The following TECTA variants were observed in gnomAD, a reference collection of about 807,000 sequenced individuals.
TECTA encodes the protein tectorin alpha.
A neutral mutation model predicts 216.8 loss-of-function variants in TECTA; 128 were observed. The ratio of observed to expected loss-of-function variants is 0.59; its 90% CI spans 0.51 to 0.68. The LOEUF is 0.68. TECTA is among the 30% of genes least tolerant of loss of function. TECTA has a pLI of 0.00. For missense variants in TECTA, 2,551 were observed against 2,786.2 expected, an observed-to-expected ratio of 0.92 and a Z score of 1.90; for synonymous variants, 1,089 against 1,117.1, an observed-to-expected ratio of 0.97 and a Z score of 0.50.
At chr11:121,150,877 C>T (rs1425985827) in intron 12 of TECTA, among the ~76,000 whole-genome samples, 5 of 152,088 alleles carry the variant, frequency 3.3e-5, no homozygotes, top group Admixed American at 3.3e-4. Flanking sequence ...ATCTCTTGAC[C>T]TCATGATCCA....
chr11:121,134,150 C>T (rs914509484), intron 10 of TECTA, among the ~76,000 whole-genome samples: 3 of 152,162 alleles, frequency 2.0e-5, no homozygotes, highest in Non-Finnish European at 2.9e-5. Flanking sequence ...CAGGGTGCTT[C>T]GCGCTCATCT....
At chr11:121,138,946 T>C (rs375885651) in intron 11 of TECTA, among the ~76,000 whole-genome samples, 1 of 152,248 alleles carries the variant, frequency 6.6e-6, no homozygotes, top group South Asian at 2.1e-4. Context: ...ATACATTCTC[T>C]TAAAAATTCT....
intron 10 of TECTA, among the ~76,000 whole-genome samples, chr11:121,130,719 G>A (rs1946665948): frequency 6.6e-6 from 1 of 152,196 alleles, no homozygotes; most frequent in Non-Finnish European, 1.5e-5. Flanking sequence ...CAATGCAGTG[G>A]CAAGTACTAG....
At chr11:121,160,495 G>A in intron 15 of TECTA, 74 bp downstream of exon 15, 1 of 1,583,830 alleles carries the variant, frequency 6.3e-7, no homozygotes, top group Non-Finnish European at 8.6e-7. Context: ...GTGTGAATGA[G>A]GAATGCCTTT....
intron 20 of TECTA, among the ~76,000 whole-genome samples, chr11:121,182,658 G>A (rs1253956327): frequency 1.3e-5 from 2 of 152,142 alleles, no homozygotes; most frequent in African/African-American, 4.8e-5. Flanking sequence ...CCCCCCTGAT[G>A]GTACATGCAG....
intron 11 of TECTA, 34 bp from the exon 12 acceptor site, chr11:121,145,521 A>C: frequency 6.2e-7 from 1 of 1,610,316 alleles, no homozygotes; most frequent in Non-Finnish European, 8.5e-7. Flanking sequence ...CTCTGGGCCA[A>C]CTGTGTTTCT....
intron 4 of TECTA, among the ~76,000 whole-genome samples, chr11:121,111,263 C>T (rs1435162042): frequency 1.3e-5 from 2 of 152,070 alleles, no homozygotes; most frequent in South Asian, 2.1e-4. Flanking sequence ...GGGAACAGGC[C>T]GGGAGAGGCC....
rs1382856653 is a variant in TECTA at position 121,154,376 on chromosome 11, A to G, written c.4305+1296A>G. On this transcript the variant is annotated intron_variant, in intron 13 of 23. Coordinates refer to ENST00000392793, the MANE Select transcript of TECTA (RefSeq NM_005422.4). ...GTAAGGTAAAATAGTGAAACTAATC[A>G]AAGGAGACTTTTTGGGAAAGGGGGT... Among the ~76,000 whole-genome samples, 4 of 152,226 alleles carry G rather than the reference A, an allele frequency of 2.6e-5. No homozygotes were observed. The East Asian group carries it at 7.7e-4, about 29-fold the overall frequency.
chr11:121,146,470 C>G (rs1011800268), intron 12 of TECTA, among the ~76,000 whole-genome samples: 2 of 152,126 alleles, frequency 1.3e-5, no homozygotes, highest in African/African-American at 2.4e-5. Context: ...GTTCAAGCAC[C>G]TCATGGGCCC....
intron 4 of TECTA, 79 bp downstream of exon 4, chr11:121,109,577 C>T: frequency 6.5e-7 from 1 of 1,543,172 alleles, no homozygotes; most frequent in East Asian, 2.2e-5. Context: ...ACGAAGGAGT[C>T]TAATTATTAG....
intron 9 of TECTA, 29 bp downstream of exon 9, chr11:121,128,373 T>G: frequency 6.3e-7 from 1 of 1,593,302 alleles, no homozygotes; most frequent in South Asian, 1.1e-5. Context: ...TTGGAGGGGT[T>G]CCTGGTACGT....
At chr11:121,102,525 C>T in intron 1 of TECTA, 140 bp from the exon 2 acceptor site, 1 of 714,412 alleles carries the variant, frequency 1.4e-6, no homozygotes, top group South Asian at 1.5e-5. Context: ...TTCAGCCCGA[C>T]TCAGCACTGT....
In TECTA at chr11:121,189,091, C is replaced by T; in HGVS notation, c.6174C>T (p.His2058=). 6.2e-7 allele frequency: 1 copy of T among 1,614,188 alleles called. No individual in the cohort carries two copies. The highest frequency in any genetic ancestry group is 8.5e-7 in the Non-Finnish European group (1 of 1,180,014). Residue 2058 remains histidine (H), a synonymous_variant, in exon 22 of 24, where the codon CAC becomes CAT. Transcript: ENST00000392793. The part of the protein sequence containing the change: ...EKYSCKITCP[H]NSRIATDYTK... Reference sequence around the variant, plus strand: ...ATTCTGTCTTGCAGACTTGCCCACACAATTCCAGGATTGCCACAGATTACA... The same window carrying T: ...ATTCTGTCTTGCAGACTTGCCCACATAATTCCAGGATTGCCACAGATTACA...
intron 13 of TECTA, among the ~76,000 whole-genome samples, chr11:121,153,936 A>G (rs555204855): frequency 2.9e-4 from 44 of 152,334 alleles, no homozygotes; most frequent in African/African-American, 1.0e-3. Flanking sequence ...ACAACTACAG[A>G]TAATTGAGTA....
At chr11:121,167,980 G>T in intron 18 of TECTA, 74 bp from the exon 19 acceptor site, 2 of 1,555,488 alleles carry the variant, frequency 1.3e-6, no homozygotes, top group Admixed American at 1.7e-5. Context: ...CCACTTTCAG[G>T]GATATGGATT....
Position 121,130,115 on chromosome 11 carries a change from A to G in TECTA, c.2845A>G (p.Asn949Asp). 6.2e-7 allele frequency: 1 copy of G among 1,612,776 alleles called. No individual in the cohort carries two copies. The highest frequency in any genetic ancestry group is 8.5e-7 in the Non-Finnish European group (1 of 1,180,032). The stretch of plus-strand genomic sequence containing the variant: ...TTTCCGCCTGTGCCAGAGTGGGGGC[A>G]ATGAGTCAGAGCTCTGTGACTCTGT... ...CLFRLCQSGGNESELCDSVAR... is the reference protein window; with the variant it reads ...CLFRLCQSGGDESELCDSVAR... Residue 949 changes from asparagine (N) to aspartate (D), a missense_variant, in exon 10 of 24, where the codon AAT (asparagine) becomes GAT (aspartate). Physicochemically the swap from Asn to Asp is conservative, Grantham distance 23. Transcript: ENST00000392793.
At position 121,108,354 on chromosome 11, in the gene TECTA, C is replaced by G. The variant is rs1389602464; in HGVS notation, c.199-857C>G. ...AATATACATACACACACACCACCCTCAGTACACACACATGTACACACCAAC... is the reference window on the plus strand; with the variant it reads ...AATATACATACACACACACCACCCTGAGTACACACACATGTACACACCAAC... On this transcript the variant is annotated intron_variant, in intron 3 of 23. Transcript: ENST00000392793. 2.0e-5 allele frequency among the ~76,000 whole-genome samples: 3 copies of G among 150,856 alleles called. No individual in the cohort carries two copies. In the East Asian group the frequency reaches 5.8e-4, roughly 29 times the overall value.
chr11:121,168,972 T>C (rs960412939), intron 20 of TECTA, 47 bp downstream of exon 20: 16 of 1,613,396 alleles, frequency 9.9e-6, no homozygotes, highest in Non-Finnish European at 1.4e-5. Flanking sequence ...TCAGGTATAA[T>C]ATTGTCCTCA....
Position 121,113,232 on chromosome 11 carries a change from C to G in TECTA, c.624+23C>G, listed in dbSNP as rs1946459853. 2 of 1,613,732 alleles carry G rather than the reference C, an allele frequency of 1.2e-6. No homozygotes were observed. The highest frequency in any genetic ancestry group is 8.5e-7 in the Non-Finnish European group (1 of 1,179,988). ...CAGGTAGGTGGCTCTCCACTTCATC[C>G]CCCGCGTGTTTCCGTCGCTGCACTC... On this transcript the variant is annotated intron_variant, in intron 5 of 23. Transcript: ENST00000392793. This position sits in a 1 kb window ranked among gnomAD's most constrained non-coding sequence, Gnocchi z 4.2.
Sources: allele counts gnomAD v4.1 joint callset (sites outside exome capture counted in the v4.1 genomes callset), GRCh38; gene constraint gnomAD v4.1.1; non-coding constraint Gnocchi (gnomAD v3.1); transcripts MANE v1.5; gene names NCBI Gene and HGNC (gene_info 2026-07-23, HGNC 2026-07-21).